DLG2: variants seen among roughly 807,000 people sequenced by gnomAD.
DLG2 encodes disks large homolog 2.
Under a neutral mutation model 132.5 loss-of-function variants are expected in DLG2, and 45 were observed. That is an observed-to-expected ratio of 0.34 (90% confidence interval 0.27 to 0.44). DLG2 has a LOEUF of 0.44. Ranked by LOEUF, DLG2 falls within the 20% of genes least tolerant of loss-of-function variation. DLG2 has a pLI of 1.00. For synonymous variants in DLG2, 424 were observed against 419.6 expected, an observed-to-expected ratio of 1.01 and a Z score of -0.13; for missense variants, 1,045 against 1,196.9, an observed-to-expected ratio of 0.87 and a Z score of 1.87.
At chr11:84,568,928 C>T (rs1186093302) in intron 6 of DLG2, among the ~76,000 whole-genome samples, 1 of 152,212 alleles carries the variant, frequency 6.6e-6, no homozygotes, top group Non-Finnish European at 1.5e-5. Flanking sequence ...TTTCACCTAT[C>T]TTGAACGGTA....
At chr11:85,343,341 C>A (rs1291606976) in intron 3 of DLG2, among the ~76,000 whole-genome samples, 2 of 152,108 alleles carry the variant, frequency 1.3e-5, no homozygotes, top group African/African-American at 4.8e-5. Context: ...TGACACTGAG[C>A]TTGTGCACTC....
intron 8 of DLG2, among the ~76,000 whole-genome samples, chr11:84,233,436 G>T (rs2097120702): frequency 1.3e-5 from 2 of 152,160 alleles, no homozygotes; most frequent in South Asian, 4.1e-4. Context: ...TTGCACAGGG[G>T]AATGCTGGCA....
At chr11:85,506,381 C>A (rs1385279978) in intron 3 of DLG2, among the ~76,000 whole-genome samples, 1 of 152,140 alleles carries the variant, frequency 6.6e-6, no homozygotes, top group Non-Finnish European at 1.5e-5. Context: ...CTACACACTG[C>A]TTTAAATGTG....
chr11:85,211,383 A>C (rs956470155), intron 4 of DLG2, among the ~76,000 whole-genome samples: 3 of 152,164 alleles, frequency 2.0e-5, no homozygotes, highest in African/African-American at 4.8e-5. Flanking sequence ...AACAGTTAAT[A>C]ATTTAAATCC....
chr11:84,179,954 C>A (rs931540980), intron 8 of DLG2, among the ~76,000 whole-genome samples: 2 of 152,094 alleles, frequency 1.3e-5, no homozygotes, highest in East Asian at 3.9e-4. Flanking sequence ...CACTACATTA[C>A]CAAAGATCTA....
chr11:85,267,335 T>A (rs575879223), intron 4 of DLG2, among the ~76,000 whole-genome samples: 1 of 152,312 alleles, frequency 6.6e-6, no homozygotes, highest in East Asian at 1.9e-4. Context: ...CTGTGAGAAA[T>A]AAATGTTTGT....
intron 7 of DLG2, among the ~76,000 whole-genome samples, chr11:84,270,382 T>A (rs1216043922): frequency 6.6e-6 from 1 of 152,162 alleles, no homozygotes; most frequent in Non-Finnish European, 1.5e-5. Flanking sequence ...TTGTTAACTC[T>A]AGGGGAGGAT....
At chr11:84,085,157 TA>T (rs2096958738) in intron 10 of DLG2, among the ~76,000 whole-genome samples, 1 of 152,232 alleles carries the variant, frequency 6.6e-6, no homozygotes, top group Admixed American at 6.5e-5. Flanking sequence ...CCTTTCTAAA[TA>T]ATGACACAAT....
chr11:84,135,736 C>T (rs986986003), intron 9 of DLG2, among the ~76,000 whole-genome samples: 11 of 152,090 alleles, frequency 7.2e-5, no homozygotes, highest in South Asian at 2.1e-4. Context: ...AGTGAGAGGT[C>T]GAACATGTAA....
At chr11:83,824,825 G>A (rs1006502264) in intron 17 of DLG2, among the ~76,000 whole-genome samples, 2 of 152,018 alleles carry the variant, frequency 1.3e-5, no homozygotes, top group Non-Finnish European at 2.9e-5. Flanking sequence ...AATCCTTTGA[G>A]TAGTGATATT....
intron 3 of DLG2, among the ~76,000 whole-genome samples, chr11:85,539,732 C>A (rs1598378383): frequency 6.6e-6 from 1 of 152,050 alleles, no homozygotes; most frequent in African/African-American, 2.4e-5. Flanking sequence ...TGTGTACCCA[C>A]AAAAATGTTA....
intron 3 of DLG2, among the ~76,000 whole-genome samples, chr11:85,502,350 G>T (rs557618373): frequency 6.6e-6 from 1 of 151,636 alleles, no homozygotes; most frequent in South Asian, 2.1e-4. Flanking sequence ...AAACCACCAC[G>T]ACACGACACG....
intron 7 of DLG2, among the ~76,000 whole-genome samples, chr11:84,312,350 G>A (rs1037210125): frequency 7.2e-5 from 11 of 152,078 alleles, no homozygotes; most frequent in African/African-American, 1.7e-4. Context: ...CTGGTGGCGC[G>A]TGCCTGTAGT....
intron 3 of DLG2, among the ~76,000 whole-genome samples, chr11:85,313,275 A>G (rs1013661675): frequency 6.6e-6 from 1 of 152,008 alleles, no homozygotes; most frequent in Non-Finnish European, 1.5e-5. Flanking sequence ...AAGATGGCAA[A>G]GTCATAAGAT....
At chr11:83,893,953 A>T (rs2154090762) in intron 15 of DLG2, among the ~76,000 whole-genome samples, 1 of 152,324 alleles carries the variant, frequency 6.6e-6, no homozygotes, top group East Asian at 1.9e-4. Context: ...CACATTTTAT[A>T]CTAAATATAC....
intron 7 of DLG2, among the ~76,000 whole-genome samples, chr11:84,474,001 T>C (rs2099115178): frequency 1.3e-5 from 2 of 152,044 alleles, no homozygotes; most frequent in South Asian, 4.1e-4. Context: ...TAGTTCATTC[T>C]CCTATTTATG....
intron 6 of DLG2, among the ~76,000 whole-genome samples, chr11:85,003,641 CCTT>C (rs770276988): frequency 2.6e-5 from 4 of 151,934 alleles, no homozygotes; most frequent in Admixed American, 6.6e-5. Context: ...AAAAATGAGA[CCTT>C]CTTTTGTTCA....
intron 11 of DLG2, among the ~76,000 whole-genome samples, chr11:84,033,813 CAGATCACCTAAGGCCAGGAGTTCA>C (rs1159381687): frequency 6.6e-6 from 1 of 152,110 alleles, no homozygotes; most frequent in East Asian, 1.9e-4. Context: ...CCCAGATGGG[CAGATCACCTAAGGCCAGGAGTTCA>C]AGACCAGCCT....
intron 6 of DLG2, among the ~76,000 whole-genome samples, chr11:85,054,180 G>A (rs777540271): frequency 4.0e-5 from 6 of 151,220 alleles, no homozygotes; most frequent in Non-Finnish European, 5.9e-5. Flanking sequence ...CACGAGAATC[G>A]CTTAAACCCA....
Sources: allele counts gnomAD v4.1 joint callset (sites outside exome capture counted in the v4.1 genomes callset), GRCh38; gene constraint gnomAD v4.1.1; transcripts MANE v1.5; gene names NCBI Gene and HGNC (gene_info 2026-07-23, HGNC 2026-07-21).